TOR2A: variants seen among roughly 807,000 people sequenced by gnomAD.
The protein encoded by TOR2A is torsin family 2 member A.
In TOR2A, 24 loss-of-function variants were observed where a neutral mutation model predicts 28.6. That is an observed-to-expected ratio of 0.84 (90% CI 0.61 to 1.18). TOR2A has a LOEUF of 1.18. TOR2A is among the 50% of genes most tolerant of loss of function. The pLI, the probability that TOR2A is intolerant of heterozygous loss-of-function variation, is 0.00. For missense variants in TOR2A, 426 were observed against 448.1 expected (o/e 0.95, Z 0.45); for synonymous variants, 203 against 203.1 (o/e 1.00, Z 0.00).
Position 127,731,708 on chromosome 9 carries a change from A to C in TOR2A, c.*326T>G. 4.4e-6 allele frequency: 3 copies of C among 675,620 alleles called. No homozygotes were observed. The highest frequency in any genetic ancestry group is 6.9e-6 in the Non-Finnish European group (3 of 436,234). 41.9% of individuals were successfully genotyped at this position (675,620 alleles called of 1,614,324 possible). ...GGTATGGTGCCCGACCAAGGAGGCA[A>C]GGGGCAAGGGTGGCAGACTGAGGAG... On this transcript the variant is annotated 3_prime_UTR_variant, in exon 5 of 5. Coordinates refer to ENST00000373284, the MANE Select transcript of TOR2A (RefSeq NM_001085347.3).
At chr9:127,734,643 C>G (rs1844611527) in intron 1 of TOR2A, 79 bp from the exon 2 acceptor site, 1 of 1,382,856 alleles carries the variant, frequency 7.2e-7, no homozygotes, top group East Asian at 2.8e-5. Context: ...GGAACCTGGT[C>G]TGGGACTCCT....
At chr9:127,732,411 G>A in intron 4 of TOR2A, 133 bp from the exon 5 acceptor site, 1 of 1,449,548 alleles carries the variant, frequency 6.9e-7, no homozygotes, top group Non-Finnish European at 9.1e-7. Flanking sequence ...AGGACTCAGG[G>A]GCTGTAAGGC....
intron 1 of TOR2A, 74 bp from the exon 2 acceptor site, chr9:127,734,638 CTG>C: frequency 1.4e-6 from 2 of 1,399,332 alleles, no homozygotes; most frequent in Non-Finnish European, 1.9e-6. Context: ...TGTCTGGAAC[CTG>C]GTCTGGGACT....
Position 127,732,215 on chromosome 9 carries a change from G to C in TOR2A, c.785C>G (p.Pro262Arg), listed in dbSNP as rs377346436. ...GTGCCGGACGTGGTGCCGCTGGAGC[G>C]GGAGGAAGGGCACCACTGCGTCTAG... Reference protein sequence around the residue: ...RLLDAVVPFLPLQRHHVRHCV... With the variant: ...RLLDAVVPFLRLQRHHVRHCV... Residue 262 changes from proline (P) to arginine (R), a missense_variant, in exon 5 of 5, where the codon CCG (proline) becomes CGG (arginine). Coordinates refer to ENST00000373284, the MANE Select transcript of TOR2A (RefSeq NM_001085347.3). 13 of 1,610,772 alleles carry C rather than the reference G, an allele frequency of 8.1e-6. No homozygotes were observed. The highest frequency in any genetic ancestry group is 5.0e-5 in the Admixed American group (3 of 59,826).
rs1195553058 is a variant in TOR2A, at chr9:127,732,590, G to T, written c.695C>A (p.Ser232Tyr). 3 of 1,590,312 alleles carry T rather than the reference G, an allele frequency of 1.9e-6. No homozygotes were observed. Among genetic ancestry groups the T allele is most frequent in the Admixed American group, 1.8e-5 (1 of 56,736 alleles). The change falls in exon 4 of 5, where the codon TCC becomes TAC. Residue 232 changes from serine (S) to tyrosine (Y), a missense_variant. Coordinates refer to ENST00000373284, the MANE Select transcript of TOR2A (RefSeq NM_001085347.3). ...ILLQELEPVI[S>Y]RAVLDNPHHG... The stretch of plus-strand genomic sequence containing the variant: ...GTGCGGGTTGTCCAGCACCGCGCGG[G>T]AGATGACCGGCTCCAGCTCCTGCAG...
intron 2 of TOR2A, 91 bp downstream of exon 2, chr9:127,734,208 G>A: frequency 1.4e-6 from 2 of 1,461,748 alleles, no homozygotes; most frequent in South Asian, 1.4e-5. Flanking sequence ...GTGTGGCCTG[G>A]AGCAGGTGAC....
At position 127,731,932 on chromosome 9, in the gene TOR2A, C is replaced by T. The variant is rs951685420; in HGVS notation, c.*102G>A. The T allele has an allele frequency of 2.0e-6, 3 of 1,516,614 alleles. No individual in the cohort carries two copies. Among genetic ancestry groups the T allele is most frequent in the East Asian group, 2.3e-5 (1 of 43,962 alleles). 93.9% of individuals were successfully genotyped at this position (1,516,614 alleles called of 1,614,324 possible). ...CATCTGTCCCGTGGCCTAGCCGACA[C>T]TCCGTTCATCTCACTTGGTGCTCTG... On this transcript the variant is annotated 3_prime_UTR_variant, in exon 5 of 5. Coordinates refer to ENST00000373284, the MANE Select transcript of TOR2A (RefSeq NM_001085347.3).
intron 1 of TOR2A, 137 bp from the exon 2 acceptor site, chr9:127,734,701 T>C: frequency 9.1e-7 from 1 of 1,101,846 alleles, no homozygotes; most frequent in East Asian, 3.2e-5. Flanking sequence ...CACGCAAACC[T>C]TGGGGTCTGT....
At chr9:127,734,701 T>G in intron 1 of TOR2A, 137 bp from the exon 2 acceptor site, 1 of 1,101,846 alleles carries the variant, frequency 9.1e-7, no homozygotes, top group Non-Finnish European at 1.2e-6. Flanking sequence ...CACGCAAACC[T>G]TGGGGTCTGT....
At chr9:127,735,074 T>TGCCCGCGTCC (rs1164547650) in intron 1 of TOR2A, 46 bp downstream of exon 1, 40 of 1,392,184 alleles carry the variant, frequency 2.9e-5, no homozygotes, top group South Asian at 6.2e-5. Flanking sequence ...CTCCCGCGTC[T>TGCCCGCGTCC]GCCCGCGTCC....
At position 127,731,585 on chromosome 9, in the gene TOR2A, A is replaced by G; in HGVS notation, c.*449T>C. On this transcript the variant is annotated 3_prime_UTR_variant, in exon 5 of 5. Coordinates refer to ENST00000373284, the MANE Select transcript of TOR2A (RefSeq NM_001085347.3). ...TTTTACAAAATTAAAAACATCTAAA[A>G]CCAGGCCCAAGTGGCAGCTTGAGTC... 8 of 1,363,054 alleles carry G rather than the reference A, an allele frequency of 5.9e-6. No individual in the cohort carries two copies. Among genetic ancestry groups the G allele is most frequent in the Non-Finnish European group, 7.7e-6 (8 of 1,042,308 alleles). The allele number at this position is 1,363,054 out of a possible 1,614,324, so 84.4% of individuals were successfully genotyped here. A position where few individuals can be genotyped will look rare whatever the true frequency, so the allele number is the denominator to read the frequency against.
intron 1 of TOR2A, 160 bp downstream of exon 1, chr9:127,734,960 G>T: frequency 8.9e-7 from 1 of 1,126,168 alleles, no homozygotes; most frequent in East Asian, 3.2e-5. Flanking sequence ...ACCTCAACGG[G>T]TACCCTCCAC....
At chr9:127,735,053 G>GGCTCCCAGC in intron 1 of TOR2A, 67 bp downstream of exon 1, 1 of 1,367,884 alleles carries the variant, frequency 7.3e-7, no homozygotes, top group Non-Finnish European at 9.4e-7. Flanking sequence ...GGGCTCCCAG[G>GGCTCCCAGC]GCTCCCAGCG....
rs542768250 is a variant in TOR2A, at chr9:127,733,168, G to T, written c.593+217C>A. ...GGCAGGGCTTCCACAAAGAAGTGGC[G>T]ATCAAAAAGACTGAGCCCAGAATTT... On this transcript the variant is annotated intron_variant, in intron 3 of 4. Coordinates refer to ENST00000373284, the MANE Select transcript of TOR2A (RefSeq NM_001085347.3). The T allele has an allele frequency of 2.6e-6, 4 of 1,560,098 alleles. No individual in the cohort carries two copies. The South Asian group carries it at 4.8e-5, about 19-fold the overall frequency.
In TOR2A at chr9:127,732,165, G is replaced by C; in HGVS notation, c.835C>G (p.Leu279Val). ...ACCTCATCCCTTGGCTCCAGGCCCA[G>C]CTGGGCCAGCTCGTTGAGCACGCAG... ...RHCVLNELAQ[L>V]GLEPRDEVVQ... is the part of the protein sequence containing the mutation. Residue 279 changes from leucine (L) to valine (V), a missense_variant, in exon 5 of 5, where the codon CTG (leucine) becomes GTG (valine). Leu to Val is a conservative substitution (Grantham distance 32). Coordinates refer to ENST00000373284, the MANE Select transcript of TOR2A (RefSeq NM_001085347.3). The C allele has an allele frequency of 6.2e-7, 1 of 1,613,508 alleles. No homozygotes were observed. Among genetic ancestry groups the C allele is most frequent in the Non-Finnish European group, 8.5e-7 (1 of 1,179,996 alleles).
intron 4 of TOR2A, 25 bp from the exon 5 acceptor site, chr9:127,732,303 GGACTTTGTGC>G: frequency 6.5e-7 from 1 of 1,547,714 alleles, no homozygotes. Flanking sequence ...GGTGGGGAGG[GGACTTTGTGC>G]TTCACAAGAG....
chr9:127,734,939 G>C (rs1380028757), intron 1 of TOR2A, 181 bp downstream of exon 1: 1 of 924,178 alleles, frequency 1.1e-6, no homozygotes, highest in Non-Finnish European at 1.5e-6. Flanking sequence ...CAGGTTGGCA[G>C]GGCCTCCTGG....
In TOR2A at chr9:127,733,476, G is replaced by A; in HGVS notation, c.502C>T (p.Pro168Ser). The A allele has an allele frequency of 6.2e-7, 1 of 1,613,946 alleles. No homozygotes were observed. The highest frequency in any genetic ancestry group is 1.3e-5 in the African/African-American group (1 of 75,064). The change falls in exon 3 of 5, where the codon CCA becomes TCA. Residue 168 changes from proline (P) to serine (S), a missense_variant. Transcript: ENST00000373284. Reference sequence around the variant, plus strand: ...GGCCGCAGGACTTCCATCAGGCCTGGGGGCATCTTGTCCATCTCATCGAAG... The same window carrying A: ...GGCCGCAGGACTTCCATCAGGCCTGAGGGCATCTTGTCCATCTCATCGAAG... ...FLFDEMDKMPPGLMEVLRPFL... is the reference protein window; with the variant it reads ...FLFDEMDKMPSGLMEVLRPFL...
In TOR2A at chr9:127,732,706, G is replaced by A. The variant is rs1486530125; in HGVS notation, c.594-15C>T. ...CACCCGTGTTGCTAAAACCATGGGG[G>A]ACCCAGGCTGAGACTCAGATGAGGA... On this transcript the variant is annotated splice_polypyrimidine_tract_variant and intron_variant, in intron 3 of 4. Transcript: ENST00000373284. The A allele has an allele frequency of 6.4e-7, 1 of 1,556,758 alleles. No individual in the cohort carries two copies. The highest frequency in any genetic ancestry group is 8.7e-7 in the Non-Finnish European group (1 of 1,150,524).
Sources: gnomAD v4.1 joint callset for allele counts on GRCh38, gnomAD v4.1.1 for gene constraint, MANE v1.5 for transcripts, NCBI Gene and HGNC (gene_info 2026-07-23, HGNC 2026-07-21) for gene names.